The following ARL6 variants were observed in gnomAD, a reference collection of about 807,000 sequenced individuals.
ARL6 encodes ADP-ribosylation factor-like protein 6.
Under a neutral mutation model 27.1 loss-of-function variants are expected in ARL6, and 18 were observed. That is an observed-to-expected ratio of 0.66 (90% confidence interval 0.46 to 0.98). ARL6 has a LOEUF of 0.98. ARL6 is among the 50% of genes least tolerant of loss of function. ARL6 has a pLI of 0.00. For missense variants in ARL6, 187 were observed against 214.9 expected, an observed-to-expected ratio of 0.87 and a Z score of 0.81; for synonymous variants, 65 against 72.3, an observed-to-expected ratio of 0.90 and a Z score of 0.51.
chr3:97,787,071 A>G (rs2037492663), intron 5 of ARL6, among the ~76,000 whole-genome samples: 2 of 152,204 alleles, frequency 1.3e-5, no homozygotes, highest in African/African-American at 4.8e-5. Flanking sequence ...TCCTAAGGAC[A>G]TACTGGCCGG....
chr3:97,795,422 A>G (rs10511163), intron 7 of ARL6, among the ~76,000 whole-genome samples: 26,414 of 152,170 alleles, frequency 0.17, 2,897 homozygotes, highest in East Asian at 0.36. Context: ...CTTACAAACT[A>G]TGCAGGAGTA....
At chr3:97,785,504 ATATC>A (rs1349551493) in intron 5 of ARL6, among the ~76,000 whole-genome samples, 2 of 151,432 alleles carry the variant, frequency 1.3e-5, no homozygotes, top group Non-Finnish European at 2.9e-5. Flanking sequence ...ATATATATAT[ATATC>A]TCCCAAAAAT....
intron 1 of ARL6, among the ~76,000 whole-genome samples, chr3:97,765,501 C>A (rs535155260): frequency 6.6e-6 from 1 of 152,010 alleles, no homozygotes; most frequent in Non-Finnish European, 1.5e-5. Context: ...GTCTGTCAGA[C>A]AATAACCAAG....
chr3:97,783,322 TG>T (rs1001724252), intron 4 of ARL6, among the ~76,000 whole-genome samples: 1 of 151,834 alleles, frequency 6.6e-6, no homozygotes, highest in Non-Finnish European at 1.5e-5. Context: ...TTTTGTATCT[TG>T]CTTTTTTCAG....
intron 7 of ARL6, among the ~76,000 whole-genome samples, chr3:97,792,627 A>G (rs2037796485): frequency 6.6e-6 from 1 of 152,218 alleles, no homozygotes; most frequent in Admixed American, 6.5e-5. Context: ...TCTGGTTGCT[A>G]TTCATCAAAA....
chr3:97,769,272 G>A (rs2036531702), intron 2 of ARL6, among the ~76,000 whole-genome samples: 1 of 151,986 alleles, frequency 6.6e-6, no homozygotes, highest in South Asian at 2.1e-4. Context: ...GGGAGAGAGG[G>A]AGGACATTTT....
At chr3:97,777,890 A>G (rs574182460) in intron 2 of ARL6, among the ~76,000 whole-genome samples, 10 of 152,346 alleles carry the variant, frequency 6.6e-5, no homozygotes, top group Non-Finnish European at 1.3e-4. Context: ...AAGAAAATTT[A>G]TGAATTTTAT....
intron 2 of ARL6, among the ~76,000 whole-genome samples, chr3:97,768,798 C>T (rs1179430953): frequency 6.6e-6 from 1 of 152,028 alleles, no homozygotes; most frequent in African/African-American, 2.4e-5. Flanking sequence ...TTGGACAACT[C>T]TCCTGCCTTA....
At chr3:97,794,086 CTA>C (rs1053368913) in intron 7 of ARL6, among the ~76,000 whole-genome samples, 1 of 151,900 alleles carries the variant, frequency 6.6e-6, no homozygotes, top group Non-Finnish European at 1.5e-5. Flanking sequence ...CCTAAACACT[CTA>C]TTTAAAAAAG....
At chr3:97,767,133 A>G (rs2036420057) in intron 1 of ARL6, among the ~76,000 whole-genome samples, 1 of 152,086 alleles carries the variant, frequency 6.6e-6, no homozygotes, top group African/African-American at 2.4e-5. Context: ...TTAAGTTTGC[A>G]TTAGAAAGAA....
chr3:97,772,350 G>A lies in ARL6; in HGVS notation c.123+4120G>A, dbSNP rs139153280. 5.6e-4 allele frequency among the ~76,000 whole-genome samples: 85 copies of A among 151,840 alleles called. 1 individual carries two copies. In the East Asian group the frequency reaches 0.011, roughly 19 times the overall value. On this transcript the variant is annotated intron_variant, in intron 2 of 7. Coordinates refer to ENST00000463745, the MANE Select transcript of ARL6 (RefSeq NM_001278293.3). ...ATCTCTAATAATCCCTTGTATTTCTGTGGTATCAGTTGTTATTTCTCATTC... is the reference window on the plus strand; with the variant it reads ...ATCTCTAATAATCCCTTGTATTTCTATGGTATCAGTTGTTATTTCTCATTC...
intron 4 of ARL6, among the ~76,000 whole-genome samples, chr3:97,781,059 T>C (rs1481079535): frequency 6.6e-6 from 1 of 152,176 alleles, no homozygotes; most frequent in Non-Finnish European, 1.5e-5. Context: ...TCTATCTCTC[T>C]AATCATACTT....
At chr3:97,776,368 C>A (rs2036901593) in intron 2 of ARL6, among the ~76,000 whole-genome samples, 1 of 151,650 alleles carries the variant, frequency 6.6e-6, no homozygotes, top group Non-Finnish European at 1.5e-5. Context: ...ATAGTTGGGT[C>A]TTATTTTTTT....
chr3:97,790,625 C>T (rs1271904977), intron 6 of ARL6, among the ~76,000 whole-genome samples: 1 of 151,992 alleles, frequency 6.6e-6, no homozygotes, highest in Middle Eastern at 3.2e-3. Flanking sequence ...ATATATTTAT[C>T]TTTCTTGATT....
chr3:97,797,347 T>C (rs939790202), intron 7 of ARL6, among the ~76,000 whole-genome samples: 8 of 152,072 alleles, frequency 5.3e-5, no homozygotes, highest in Admixed American at 2.6e-4. Flanking sequence ...AAGACAATTA[T>C]TAACTCTAGG....
rs528020541 is a variant in ARL6 at position 97,800,709 on chromosome 3, A to T, written c.*2660A>T. 6.6e-6 allele frequency: 1 copy of T among 152,290 alleles called. No homozygotes were observed. The highest frequency in any genetic ancestry group is 2.1e-4 in the South Asian group (1 of 4,826). 9.4% of individuals were successfully genotyped at this position (152,290 alleles called of 1,614,324 possible). A position where few individuals can be genotyped will look rare whatever the true frequency, so the allele number is the denominator to read the frequency against. The stretch of plus-strand genomic sequence containing the variant: ...CTTGTCTTATTCATTTCAGGTTGCT[A>T]TAACAAAGTACCATAGACTGGGTGG... On this transcript the variant is annotated 3_prime_UTR_variant, in exon 8 of 8. Transcript: ENST00000463745.
intron 2 of ARL6, among the ~76,000 whole-genome samples, chr3:97,779,238 G>A (rs562780103): frequency 6.6e-6 from 1 of 151,976 alleles, no homozygotes; most frequent in Non-Finnish European, 1.5e-5. Context: ...TTTCCTCAGT[G>A]GCAAGTTCCT....
chr3:97,796,333 AC>A (rs2038000929), intron 7 of ARL6, among the ~76,000 whole-genome samples: 1 of 151,870 alleles, frequency 6.6e-6, no homozygotes, highest in Non-Finnish European at 1.5e-5. Context: ...AAAAGAAAGA[AC>A]GAAAAAAAAT....
chr3:97,768,789 T>G (rs1213283219), intron 2 of ARL6, among the ~76,000 whole-genome samples: 1 of 152,080 alleles, frequency 6.6e-6, no homozygotes, highest in African/African-American at 2.4e-5. Flanking sequence ...CCTTTATGTT[T>G]GGACAACTCT....
Sources: gnomAD v4.1 joint callset for allele counts (sites outside exome capture counted in the v4.1 genomes callset) on GRCh38, gnomAD v4.1.1 for gene constraint, MANE v1.5 for transcripts, NCBI Gene and HGNC (gene_info 2026-07-23, HGNC 2026-07-21) for gene names.